The following AAK1 variants were observed in gnomAD, a reference collection of about 807,000 sequenced individuals.
AAK1 encodes the protein AP2-associated protein kinase 1.
AAK1 carries 37 observed loss-of-function variants against 116.0 expected under a neutral mutation model. The observed-to-expected ratio is 0.32, with a 90% CI of 0.25 to 0.42. The LOEUF is 0.42. AAK1 is among the 10% of genes least tolerant of loss of function. The probability of loss-of-function intolerance (pLI) is 1.00; values close to 1 mark genes in which losing one functional copy is unlikely to be tolerated. For missense variants in AAK1, 919 were observed against 1,170.6 expected, an observed-to-expected ratio of 0.79 and a Z score of 3.14; for synonymous variants, 458 against 439.9, an observed-to-expected ratio of 1.04 and a Z score of -0.51.
Position 69,630,491 on chromosome 2 carries a change from A to T in AAK1, c.163+12387T>A, listed in dbSNP as rs77048759. The stretch of plus-strand genomic sequence containing the variant: ...TTCATGCACCTCAATACTAAGAGTT[A>T]CCATTTACAAACTGCTAACTAACAT... On this transcript the variant is annotated intron_variant, in intron 2 of 21. Coordinates refer to ENST00000409085, the MANE Select transcript of AAK1 (RefSeq NM_014911.5). 1.8e-3 allele frequency among the ~76,000 whole-genome samples: 268 copies of T among 152,330 alleles called. 2 individuals carry two copies. The highest frequency in any genetic ancestry group is 6.3e-3 in the African/African-American group (260 of 41,576).
intron 2 of AAK1, among the ~76,000 whole-genome samples, chr2:69,632,941 G>A (rs1005438132): frequency 3.3e-5 from 5 of 152,100 alleles, no homozygotes; most frequent in Non-Finnish European, 5.9e-5. Flanking sequence ...GCTGAGGCAG[G>A]AGAATGGTGT....
intron 2 of AAK1, among the ~76,000 whole-genome samples, chr2:69,600,399 T>C (rs1673523094): frequency 6.6e-6 from 1 of 151,528 alleles, no homozygotes; most frequent in Admixed American, 6.6e-5. Context: ...CCAACATTAA[T>C]AGGAGTTTGG....
At position 69,467,841 on chromosome 2, in the gene AAK1, A is replaced by C. The variant is rs913741321; in HGVS notation, c.*8028T>G. 5.1e-6 allele frequency: 5 copies of C among 985,250 alleles called. No homozygotes were observed. The highest frequency in any genetic ancestry group is 1.7e-5 in the African/African-American group (1 of 57,242). 61.0% of individuals were successfully genotyped at this position (985,250 alleles called of 1,614,324 possible). Reference sequence around the variant, plus strand: ...AGTCACTTAGAGACATTACATTGTAAAGAGAATGTAGAGAGAGGTCTGAAC... The same window carrying C: ...AGTCACTTAGAGACATTACATTGTACAGAGAATGTAGAGAGAGGTCTGAAC... On this transcript the variant is annotated 3_prime_UTR_variant, in exon 22 of 22. Transcript: ENST00000409085.
intron 2 of AAK1, among the ~76,000 whole-genome samples, chr2:69,601,832 G>A (rs1673593569): frequency 6.6e-6 from 1 of 152,158 alleles, no homozygotes; most frequent in Admixed American, 6.5e-5. Flanking sequence ...AGTTTGATAA[G>A]GAAGAGGATT....
intron 2 of AAK1, among the ~76,000 whole-genome samples, chr2:69,573,009 G>C (rs1299033762): frequency 6.6e-6 from 1 of 152,170 alleles, no homozygotes; most frequent in Non-Finnish European, 1.5e-5. Flanking sequence ...CTTGACTCAG[G>C]CTCCAAATAA....
intron 2 of AAK1, among the ~76,000 whole-genome samples, chr2:69,628,355 T>C (rs1036302220): frequency 2.0e-5 from 3 of 152,026 alleles, no homozygotes; most frequent in African/African-American, 7.2e-5. Flanking sequence ...CCCAATCTCA[T>C]TCTCCCTCCC....
chr2:69,513,723 G>A (rs769941215), intron 13 of AAK1, among the ~76,000 whole-genome samples: 1 of 152,192 alleles, frequency 6.6e-6, no homozygotes, highest in Non-Finnish European at 1.5e-5. Flanking sequence ...TATGCAAAAT[G>A]TCTTTTTCTA....
At chr2:69,511,698 T>G (rs920990655) in intron 13 of AAK1, among the ~76,000 whole-genome samples, 1 of 152,212 alleles carries the variant, frequency 6.6e-6, no homozygotes, top group African/African-American at 2.4e-5. Flanking sequence ...AGGGAAGGGA[T>G]GGTGAAATCT....
chr2:69,556,599 G>C (rs1443610491), intron 3 of AAK1, among the ~76,000 whole-genome samples: 1 of 152,154 alleles, frequency 6.6e-6, no homozygotes, highest in Non-Finnish European at 1.5e-5. Context: ...ATGTTGTTAA[G>C]TAAGCTTTTC....
chr2:69,584,542 A>T (rs899221787), intron 2 of AAK1, among the ~76,000 whole-genome samples: 5 of 152,114 alleles, frequency 3.3e-5, no homozygotes, highest in African/African-American at 1.2e-4. Context: ...ACTTGTTTCA[A>T]GTTGGGAACT....
At chr2:69,620,312 C>T (rs1264291988) in intron 2 of AAK1, among the ~76,000 whole-genome samples, 1 of 152,128 alleles carries the variant, frequency 6.6e-6, no homozygotes, top group African/African-American at 2.4e-5. Context: ...CCTCTGGGAC[C>T]TTGCTCCATG....
In AAK1 at chr2:69,643,706, C is replaced by CGCCA. The variant is rs1675867726; in HGVS notation, c.-370_-367dup. On this transcript the variant is annotated 5_prime_UTR_variant, in exon 1 of 22. Transcript: ENST00000409085. ...GGGCCGCGCTCGGCTCCCGCCCGCCCGCCAGCTGATCCCGGGAGCGCCGGG... is the reference window on the plus strand; with the variant it reads ...GGGCCGCGCTCGGCTCCCGCCCGCCCGCCAGCCAGCTGATCCCGGGAGCGCCGGG... 4.9e-6 allele frequency: 6 copies of CGCCA among 1,216,396 alleles called. No individual in the cohort carries two copies. Among genetic ancestry groups the CGCCA allele is most frequent in the Non-Finnish European group, 6.1e-6 (6 of 978,324 alleles). 75.4% of individuals were successfully genotyped at this position (1,216,396 alleles called of 1,614,324 possible). A position where few individuals can be genotyped will look rare whatever the true frequency, so the allele number is the denominator to read the frequency against.
At chr2:69,523,299 G>A (rs1394473101) in intron 10 of AAK1, among the ~76,000 whole-genome samples, 1 of 152,150 alleles carries the variant, frequency 6.6e-6, no homozygotes, top group East Asian at 1.9e-4. Context: ...CCAAAGAGGT[G>A]AGCATGGCAG....
At chr2:69,642,461 TAGGAG>T in intron 2 of AAK1, among the ~76,000 whole-genome samples, 1 of 152,092 alleles carries the variant, frequency 6.6e-6, no homozygotes, top group East Asian at 1.9e-4. Context: ...GAAAGTTGGG[TAGGAG>T]AAGGAGAAAC....
intron 2 of AAK1, among the ~76,000 whole-genome samples, chr2:69,609,302 G>A (rs1673955692): frequency 6.6e-6 from 1 of 152,156 alleles, no homozygotes. Flanking sequence ...GGGGGAGGTT[G>A]CAGTGAGCCA....
At chr2:69,513,404 C>T (rs576423321) in intron 13 of AAK1, among the ~76,000 whole-genome samples, 2 of 152,166 alleles carry the variant, frequency 1.3e-5, no homozygotes, top group South Asian at 2.1e-4. Context: ...ACTGCAAGCT[C>T]CACCTCCCGG....
chr2:69,616,252 G>A lies in AAK1; in HGVS notation c.163+26626C>T, dbSNP rs566754175. Among the ~76,000 whole-genome samples the A allele has an allele frequency of 3.3e-5, 5 of 152,184 alleles. No homozygotes were observed. In the South Asian group the frequency reaches 8.3e-4, roughly 25 times the overall value. ...CTCAAGTGATCCTCTCACCTCAGCC[G>A]CTTGAGTAGCAGGAATCACAGCCAC... On this transcript the variant is annotated intron_variant, in intron 2 of 21. Transcript: ENST00000409085.
intron 5 of AAK1, among the ~76,000 whole-genome samples, chr2:69,533,853 G>C (rs539210398): frequency 6.6e-6 from 1 of 152,174 alleles, no homozygotes; most frequent in Admixed American, 6.6e-5. Flanking sequence ...TAAGCATAGG[G>C]TTATGAAAGA....
chr2:69,562,631 T>C (rs532930893), intron 2 of AAK1, among the ~76,000 whole-genome samples: 8 of 152,254 alleles, frequency 5.3e-5, no homozygotes, highest in South Asian at 2.1e-4. Context: ...GTGGCTCATG[T>C]CTGTAATCCC....
Sources: allele counts gnomAD v4.1 joint callset (sites outside exome capture counted in the v4.1 genomes callset), GRCh38; gene constraint gnomAD v4.1.1; transcripts MANE v1.5; gene names NCBI Gene and HGNC (gene_info 2026-07-23, HGNC 2026-07-21).